PTPRN2: variants seen among roughly 807,000 people sequenced by gnomAD.
The protein encoded by PTPRN2 is protein tyrosine phosphatase receptor type N2.
PTPRN2 carries 74 observed loss-of-function variants against 118.8 expected under a neutral mutation model. That is an observed-to-expected ratio of 0.62 (90% CI 0.52 to 0.76). The LOEUF (loss-of-function observed/expected upper bound fraction) is 0.76, where lower values mean the gene tolerates loss of function less well. Among genes scored for constraint, PTPRN2 ranks in the 30% least tolerant of loss-of-function variants. The pLI is 0.00. For missense variants in PTPRN2, 1,481 were observed against 1,394.4 expected, an observed-to-expected ratio of 1.06 and a Z score of -0.99; for synonymous variants, 641 against 608.0, an observed-to-expected ratio of 1.05 and a Z score of -0.80.
At chr7:158,318,815 G>A (rs182466709) in intron 2 of PTPRN2, among the ~76,000 whole-genome samples, 6 of 152,338 alleles carry the variant, frequency 3.9e-5, no homozygotes, top group Admixed American at 3.3e-4. Context: ...GGCCCCACTC[G>A]GCCACTCCGG....
At chr7:157,734,401 C>T (rs1477859334) in intron 12 of PTPRN2, among the ~76,000 whole-genome samples, 1 of 152,228 alleles carries the variant, frequency 6.6e-6, no homozygotes, top group African/African-American at 2.4e-5. Flanking sequence ...AATGTTTGTT[C>T]CAGGAAAACC....
At chr7:158,053,971 G>A (rs1257693241) in intron 11 of PTPRN2, among the ~76,000 whole-genome samples, 1 of 150,712 alleles carries the variant, frequency 6.6e-6, no homozygotes, top group Non-Finnish European at 1.5e-5. Context: ...GAGATGCAGA[G>A]ACCCTAGAGA....
chr7:158,248,946 C>T (rs532752628), intron 3 of PTPRN2, among the ~76,000 whole-genome samples: 2 of 149,884 alleles, frequency 1.3e-5, no homozygotes, highest in South Asian at 2.1e-4. Context: ...ACACATGCAC[C>T]CACATCACAT....
At chr7:157,853,061 G>A (rs1006710084) in intron 12 of PTPRN2, among the ~76,000 whole-genome samples, 5 of 152,072 alleles carry the variant, frequency 3.3e-5, no homozygotes, top group African/African-American at 9.7e-5. Flanking sequence ...CTCTGGGGCC[G>A]TCCTCTCTCC....
intron 2 of PTPRN2, among the ~76,000 whole-genome samples, chr7:158,364,551 T>C (rs1215333014): frequency 6.6e-6 from 1 of 152,254 alleles, no homozygotes; most frequent in Non-Finnish European, 1.5e-5. Flanking sequence ...GACAGTCACA[T>C]GTAAGCTTAA....
intron 12 of PTPRN2, among the ~76,000 whole-genome samples, chr7:157,685,522 G>C (rs890653445): frequency 8.4e-4 from 128 of 152,222 alleles, no homozygotes; most frequent in African/African-American, 3.0e-3. Context: ...CGCTGCCCGC[G>C]GTCACTCGGG....
chr7:157,642,573 C>T (rs76526697), intron 14 of PTPRN2, among the ~76,000 whole-genome samples: 5 of 152,224 alleles, frequency 3.3e-5, no homozygotes, highest in East Asian at 3.9e-4. Flanking sequence ...TGGACGTCTC[C>T]GTCCGTCACT....
chr7:158,012,736 C>T (rs964319419), intron 11 of PTPRN2, among the ~76,000 whole-genome samples: 6 of 152,130 alleles, frequency 3.9e-5, no homozygotes, highest in African/African-American at 1.4e-4. Context: ...GCATCAGCTC[C>T]GGCCATCACA....
At chr7:158,307,369 T>C (rs1019319171) in intron 3 of PTPRN2, among the ~76,000 whole-genome samples, 2 of 151,938 alleles carry the variant, frequency 1.3e-5, no homozygotes, top group African/African-American at 4.8e-5. Flanking sequence ...AACTTCAGGA[T>C]AGGTCAACTG....
chr7:158,279,679 C>T (rs1218552477), intron 3 of PTPRN2, among the ~76,000 whole-genome samples: 2 of 152,098 alleles, frequency 1.3e-5, no homozygotes, highest in Admixed American at 6.5e-5. Context: ...GGCCCACAAG[C>T]CCCGTGTGCA....
intron 1 of PTPRN2, chr7:158,532,614 AG>A (rs1825333000): frequency 2.4e-6 from 1 of 425,004 alleles, no homozygotes; most frequent in Non-Finnish European, 4.8e-6. Flanking sequence ...AAGTAAGAAA[AG>A]ACCAAAAACG....
At chr7:157,739,198 T>C (rs1054863766) in intron 12 of PTPRN2, 2 of 152,190 alleles carry the variant, frequency 1.3e-5, no homozygotes, top group Non-Finnish European at 2.9e-5. Context: ...TTCCGGAGAT[T>C]AAAGCAAACT....
intron 12 of PTPRN2, among the ~76,000 whole-genome samples, chr7:157,778,627 T>C (rs1020269121): frequency 1.3e-5 from 2 of 151,746 alleles, no homozygotes; most frequent in Non-Finnish European, 2.9e-5. Context: ...ATCGAATGCC[T>C]ATGTAGACAT....
At chr7:157,823,244 C>A (rs60298252) in intron 12 of PTPRN2, among the ~76,000 whole-genome samples, 1 of 152,066 alleles carries the variant, frequency 6.6e-6, no homozygotes, top group Non-Finnish European at 1.5e-5. Flanking sequence ...CCTTAAAACA[C>A]ATAAATACCT....
intron 5 of PTPRN2, among the ~76,000 whole-genome samples, chr7:158,173,037 CCAT>C (rs941359822): frequency 6.6e-6 from 1 of 151,174 alleles, no homozygotes; most frequent in Middle Eastern, 3.4e-3. Flanking sequence ...AGGATCCCCA[CCAT>C]CATCACCCCA....
chr7:158,459,376 G>A (rs200903407), intron 2 of PTPRN2, among the ~76,000 whole-genome samples: 7 of 149,784 alleles, frequency 4.7e-5, no homozygotes, highest in African/African-American at 1.2e-4. Context: ...CGCTTGGGAC[G>A]AACGGGCTCC....
chr7:157,786,397 T>C (rs191082494), intron 12 of PTPRN2, among the ~76,000 whole-genome samples: 1 of 152,366 alleles, frequency 6.6e-6, no homozygotes, highest in East Asian at 1.9e-4. Context: ...AGATTATTTA[T>C]TGTACTTCTG....
intron 6 of PTPRN2, among the ~76,000 whole-genome samples, chr7:158,166,701 G>T (rs986348283): frequency 1.3e-5 from 2 of 152,112 alleles, no homozygotes; most frequent in Non-Finnish European, 2.9e-5. Context: ...GCCTCTCACT[G>T]GCCACTGCGT....
intron 16 of PTPRN2, among the ~76,000 whole-genome samples, chr7:157,602,310 T>C (rs1801716723): frequency 1.3e-5 from 2 of 152,248 alleles, no homozygotes; most frequent in African/African-American, 4.8e-5. Context: ...GGCTCAGGCA[T>C]GTGGACATCT....
Sources: gnomAD v4.1 joint callset for allele counts (sites outside exome capture counted in the v4.1 genomes callset) on GRCh38, gnomAD v4.1.1 for gene constraint, MANE v1.5 for transcripts, NCBI Gene and HGNC (gene_info 2026-07-23, HGNC 2026-07-21) for gene names.